NUP153: variants seen among roughly 807,000 people sequenced by gnomAD.
NUP153 encodes nucleoporin 153.
NUP153 carries 27 observed loss-of-function variants against 134.6 expected under a neutral mutation model. The ratio of observed to expected loss-of-function variants is 0.20; its 90% confidence interval spans 0.15 to 0.28. The LOEUF (loss-of-function observed/expected upper bound fraction) is 0.28. Among genes scored for constraint, NUP153 ranks in the 10% least tolerant of loss-of-function variants. The pLI is 1.00. For synonymous variants in NUP153, 640 were observed against 623.5 expected (o/e 1.03, Z -0.40); for missense variants, 1,821 against 1,731.3 (o/e 1.05, Z -0.92).
At chr6:17,689,669 T>G (rs929916242) in intron 1 of NUP153, among the ~76,000 whole-genome samples, 1 of 151,578 alleles carries the variant, frequency 6.6e-6, no homozygotes, top group East Asian at 2.0e-4. Flanking sequence ...CCCAATTAGC[T>G]GGGATTACAC....
intron 11 of NUP153, among the ~76,000 whole-genome samples, chr6:17,652,080 G>A (rs1766525488): frequency 6.6e-6 from 1 of 151,828 alleles, no homozygotes; most frequent in Non-Finnish European, 1.5e-5. Context: ...ATAACCAAGG[G>A]GATAAGACAA....
At position 17,624,847 on chromosome 6, in the gene NUP153, G is replaced by T. The variant is rs762975092; in HGVS notation, c.3902-14C>A. On this transcript the variant is annotated splice_polypyrimidine_tract_variant and intron_variant, in intron 19 of 21. Coordinates refer to ENST00000262077, the MANE Select transcript of NUP153 (RefSeq NM_005124.4). Reference sequence around the variant, plus strand: ...CAAAGGAGGATCCTGGAGGCCCAAAGAAACACTTAAGTCACCATGGTGGCT... The same window carrying T: ...CAAAGGAGGATCCTGGAGGCCCAAATAAACACTTAAGTCACCATGGTGGCT... 6.4e-7 allele frequency: 1 copy of T among 1,570,690 alleles called. No homozygotes were observed. The highest frequency in any genetic ancestry group is 1.8e-5 in the Admixed American group (1 of 54,506).
chr6:17,623,357 CAAAAAA>C (rs11326447), intron 20 of NUP153, among the ~76,000 whole-genome samples: 1 of 81,956 alleles, frequency 1.2e-5, no homozygotes, highest in Non-Finnish European at 2.4e-5. Context: ...GAAAAATGGC[CAAAAAA>C]AAAAAAAAAA....
intron 14 of NUP153, among the ~76,000 whole-genome samples, chr6:17,644,100 G>A (rs928384726): frequency 1.3e-5 from 2 of 150,784 alleles, no homozygotes; most frequent in African/African-American, 4.9e-5. Context: ...TCTTAGTTTG[G>A]GCCACTTCCA....
At chr6:17,640,459 C>A (rs138758002) in intron 14 of NUP153, among the ~76,000 whole-genome samples, 1 of 152,182 alleles carries the variant, frequency 6.6e-6, no homozygotes, top group Non-Finnish European at 1.5e-5. Context: ...TTCAACTGAG[C>A]AATTATTTCA....
intron 11 of NUP153, among the ~76,000 whole-genome samples, chr6:17,659,862 T>A (rs1347145017): frequency 6.6e-6 from 1 of 152,214 alleles, no homozygotes; most frequent in Non-Finnish European, 1.5e-5. Context: ...ATATACTGTT[T>A]GTATGATCAA....
In NUP153 at chr6:17,625,807, C is replaced by A. The variant is rs1200533755; in HGVS notation, c.3901+1G>T. On this transcript the variant is annotated splice_donor_variant, in intron 19 of 21. Coordinates refer to ENST00000262077, the MANE Select transcript of NUP153 (RefSeq NM_005124.4). LOFTEE classifies it high-confidence loss of function. This position sits in a 1 kb window ranked among gnomAD's most constrained non-coding sequence, Gnocchi z 4.7. Reference sequence around the variant, plus strand: ...ATGCATTTTTTCTTTTGTAAATGTACCTGCAGAGCTAGATGTGGTTGTGGC... The same window carrying A: ...ATGCATTTTTTCTTTTGTAAATGTAACTGCAGAGCTAGATGTGGTTGTGGC... The A allele has an allele frequency of 6.2e-7, 1 of 1,605,580 alleles. No homozygotes were observed. The highest frequency in any genetic ancestry group is 1.1e-5 in the South Asian group (1 of 90,828).
At chr6:17,653,870 C>T (rs1190586783) in intron 11 of NUP153, among the ~76,000 whole-genome samples, 1 of 152,176 alleles carries the variant, frequency 6.6e-6, no homozygotes, top group Non-Finnish European at 1.5e-5. Flanking sequence ...AAGAATTTAA[C>T]ATTTCACTAT....
intron 5 of NUP153, among the ~76,000 whole-genome samples, chr6:17,670,547 A>G (rs1767842815): frequency 6.6e-6 from 1 of 152,210 alleles, no homozygotes; most frequent in Non-Finnish European, 1.5e-5. Context: ...TGCCTACTGC[A>G]CTGGCTAGCA....
chr6:17,634,979 TA>T (rs11349044), intron 16 of NUP153, among the ~76,000 whole-genome samples: 140,051 of 149,704 alleles, frequency 0.94, 65,521 homozygotes, highest in South Asian at 0.97. Context: ...AATTAAAAAA[TA>T]AAAAAAAAAA....
In NUP153 at chr6:17,706,591, G is replaced by C. The variant is rs998699046; in HGVS notation, c.-204C>G. 3.4e-6 allele frequency: 2 copies of C among 580,162 alleles called. No homozygotes were observed. Among genetic ancestry groups the C allele is most frequent in the African/African-American group, 4.0e-5 (2 of 50,430 alleles). 35.9% of individuals were successfully genotyped at this position (580,162 alleles called of 1,614,324 possible). On this transcript the variant is annotated 5_prime_UTR_variant, in exon 1 of 22. Transcript: ENST00000262077. The surrounding 1 kb of genome is among the most constrained non-coding windows in gnomAD (Gnocchi z 5.9). ...GGTGAGTGCTGGCAGCGGGGAAGGG[G>C]GTGGCGGCCGCAGAGGCCGAGGAGG...
chr6:17,631,921 C>T (rs550094319), intron 17 of NUP153, among the ~76,000 whole-genome samples: 60 of 151,784 alleles, frequency 4.0e-4, no homozygotes, highest in Non-Finnish European at 8.2e-4. Context: ...GAGCAGAGAT[C>T]GGCCACTGCA....
At chr6:17,673,111 G>A (rs1375384185) in intron 5 of NUP153, among the ~76,000 whole-genome samples, 1 of 152,182 alleles carries the variant, frequency 6.6e-6, no homozygotes, top group African/African-American at 2.4e-5. Flanking sequence ...GCTCACGCCT[G>A]TAATCCCAGC....
intron 1 of NUP153, among the ~76,000 whole-genome samples, chr6:17,705,587 G>C (rs1256218557): frequency 8.9e-5 from 13 of 145,488 alleles, no homozygotes; most frequent in African/African-American, 2.9e-4. Context: ...GGCGGTGTTG[G>C]GGGGGGGGAG....
intron 1 of NUP153, among the ~76,000 whole-genome samples, chr6:17,698,870 TAAA>T (rs961294100): frequency 7.1e-6 from 1 of 140,104 alleles, no homozygotes; most frequent in Non-Finnish European, 1.6e-5. Flanking sequence ...GACACTGTCT[TAAA>T]AAAAAAAAAA....
chr6:17,630,545 C>A (rs531410885), intron 17 of NUP153, among the ~76,000 whole-genome samples: 25 of 152,208 alleles, frequency 1.6e-4, no homozygotes, highest in African/African-American at 5.8e-4. Flanking sequence ...TGCCTGTAGT[C>A]TCAGCTGCTT....
chr6:17,675,749 GC>G lies in NUP153; in HGVS notation c.355del (p.Ala119LeufsTer8). Reference sequence around the variant, plus strand: ...TGTTAACACATCTGGATAATTTGAAGCAGTACTAGTTGTTGAAGGTTCTTAA... The same window carrying G: ...TGTTAACACATCTGGATAATTTGAAGAGTACTAGTTGTTGAAGGTTCTTAA... ...NTEEPSTTST[A>X]SNYPDVLTRP... is the part of the protein sequence containing the mutation. On this transcript the variant is annotated frameshift_variant, in exon 3 of 22. Transcript: ENST00000262077. LOFTEE classifies it high-confidence loss of function. This position sits in a 1 kb window ranked among gnomAD's most constrained non-coding sequence, Gnocchi z 4.4. 1.2e-6 allele frequency: 2 copies of G among 1,613,634 alleles called. No individual in the cohort carries two copies. The highest frequency in any genetic ancestry group is 1.7e-6 in the Non-Finnish European group (2 of 1,179,536).
At chr6:17,705,637 G>C (rs1427172764) in intron 1 of NUP153, among the ~76,000 whole-genome samples, 3 of 151,860 alleles carry the variant, frequency 2.0e-5, no homozygotes, top group Non-Finnish European at 4.4e-5. Flanking sequence ...GGGTGGAGAG[G>C]GACTTTCAAA....
intron 1 of NUP153, among the ~76,000 whole-genome samples, chr6:17,695,055 G>A (rs145759780): frequency 6.0e-4 from 92 of 152,116 alleles, no homozygotes; most frequent in African/African-American, 2.0e-3. Context: ...AAATACAGGC[G>A]TGTCCTTGGA....
Sources: gnomAD v4.1 joint callset for allele counts (sites outside exome capture counted in the v4.1 genomes callset) on GRCh38, gnomAD v4.1.1 for gene constraint, Gnocchi (gnomAD v3.1) non-coding constraint, MANE v1.5 for transcripts, NCBI Gene and HGNC (gene_info 2026-07-23, HGNC 2026-07-21) for gene names.